Variants in ITK observed in about 807,000 individuals in gnomAD.
ITK encodes the protein tyrosine-protein kinase ITK/TSK.
A neutral mutation model predicts 87.6 loss-of-function variants in ITK; 45 were observed. The ratio of observed to expected loss-of-function variants is 0.51; its 90% CI spans 0.40 to 0.66. The LOEUF is 0.66. Among genes scored for constraint, ITK ranks in the 30% least tolerant of loss-of-function variants. The pLI is 0.00. For synonymous variants in ITK, 303 were observed against 273.6 expected (o/e 1.11, Z -1.06); for missense variants, 605 against 766.3 (o/e 0.79, Z 2.48).
intron 5 of ITK, among the ~76,000 whole-genome samples, chr5:157,219,739 G>T (rs1458154707): frequency 6.6e-6 from 1 of 152,102 alleles, no homozygotes; most frequent in African/African-American, 2.4e-5. Context: ...TGAAGGCCTG[G>T]TTCGGAACCC....
intron 3 of ITK, 190 bp downstream of exon 3, chr5:157,211,558 A>G (rs1754193070): frequency 1.1e-5 from 7 of 616,280 alleles, no homozygotes; most frequent in Non-Finnish European, 2.1e-5. Flanking sequence ...GATTGACCAA[A>G]TCCAGCCTGC....
chr5:157,222,741 T>C (rs746869584), intron 5 of ITK, 122 bp from the exon 6 acceptor site: 3 of 905,210 alleles, frequency 3.3e-6, no homozygotes, highest in Non-Finnish European at 5.4e-6. Flanking sequence ...GCGCTGTAAC[T>C]CTAACTCATA....
Position 157,248,936 on chromosome 5 carries a change from G to T in ITK, c.1720G>T (p.Gly574Ter), listed in dbSNP as rs777096641. The change falls in exon 16 of 17, where the codon GGA becomes TGA. Residue 574 changes from glycine to a stop codon, truncating the protein, a stop_gained. Transcript: ENST00000422843. LOFTEE classifies it high-confidence loss of function. Reference sequence around the variant, plus strand: ...AGAGGTGGTGGAAGACATCAGTACCGGATTTCGGTTGTACAAGCCCCGGCT... The same window carrying T: ...AGAGGTGGTGGAAGACATCAGTACCTGATTTCGGTTGTACAAGCCCCGGCT... The part of the protein sequence containing the change: ...NSEVVEDIST[G>*]FRLYKPRLAS... The T allele has an allele frequency of 6.2e-7, 1 of 1,613,762 alleles. No individual in the cohort carries two copies. The highest frequency in any genetic ancestry group is 1.3e-5 in the African/African-American group (1 of 74,914).
Position 157,180,862 on chromosome 5 carries a change from T to G in ITK, c.-116T>G, listed in dbSNP as rs924720745. ...GATAACGTTGAAGGCAAGTTGCCCT[T>G]GAGCAGCTCTCTGAAGATCAACTGC... On this transcript the variant is annotated 5_prime_UTR_variant, in exon 1 of 17. Coordinates refer to ENST00000422843, the MANE Select transcript of ITK (RefSeq NM_005546.4). 4 of 990,128 alleles carry G rather than the reference T, an allele frequency of 4.0e-6. No individual in the cohort carries two copies. The highest frequency in any genetic ancestry group is 6.3e-6 in the Non-Finnish European group (4 of 632,180). The allele number at this position is 990,128 out of a possible 1,614,324, so 61.3% of individuals were successfully genotyped here. A position where few individuals can be genotyped will look rare whatever the true frequency, so the allele number is the denominator to read the frequency against.
intron 1 of ITK, among the ~76,000 whole-genome samples, chr5:157,187,083 C>G (rs1753660591): frequency 6.6e-6 from 1 of 152,252 alleles, no homozygotes; most frequent in Admixed American, 6.5e-5. Flanking sequence ...AACGTTAAAG[C>G]CTCCGTTTTA....
Position 157,208,580 on chromosome 5 carries a change from C to T in ITK, c.139-309C>T, listed in dbSNP as rs73814042. The stretch of plus-strand genomic sequence containing the variant: ...ATATGTGTGTCCATGGATTTCTCTA[C>T]GCATCTCAGCTACAAGTTCTGCCAA... On this transcript the variant is annotated intron_variant, in intron 1 of 16. Transcript: ENST00000422843. Among the ~76,000 whole-genome samples the T allele has an allele frequency of 4.5e-3, 691 of 152,258 alleles. 5 individuals are homozygous for T. The highest frequency in any genetic ancestry group is 0.016 in the African/African-American group (651 of 41,544).
At chr5:157,217,985 C>A in intron 5 of ITK, 78 bp downstream of exon 5, 1 of 1,254,250 alleles carries the variant, frequency 8.0e-7, no homozygotes, top group South Asian at 1.2e-5. Flanking sequence ...GCATGTCCCC[C>A]TCTCCCCATA....
intron 3 of ITK, among the ~76,000 whole-genome samples, chr5:157,212,051 A>G (rs1156814981): frequency 2.0e-5 from 3 of 152,174 alleles, no homozygotes; most frequent in Admixed American, 6.5e-5. Flanking sequence ...AGCACATGGG[A>G]TGTGGAGCCA....
chr5:157,184,848 CT>C (rs1391634692), intron 1 of ITK, among the ~76,000 whole-genome samples: 1 of 152,170 alleles, frequency 6.6e-6, no homozygotes, highest in Non-Finnish European at 1.5e-5. Flanking sequence ...AAAGGTTCTC[CT>C]ATTTTGATGA....
chr5:157,197,990 G>T (rs1310985969), intron 1 of ITK, among the ~76,000 whole-genome samples: 1 of 151,922 alleles, frequency 6.6e-6, no homozygotes, highest in Non-Finnish European at 1.5e-5. Flanking sequence ...ACACATTCAT[G>T]GCAAAATATT....
chr5:157,205,472 T>A (rs114207820), intron 1 of ITK, among the ~76,000 whole-genome samples: 1,944 of 152,310 alleles, frequency 0.013, 31 homozygotes, highest in African/African-American at 0.043. Flanking sequence ...TTTTAAAAAC[T>A]TTTTTAAAAG....
chr5:157,190,630 C>A (rs966731497), intron 1 of ITK, among the ~76,000 whole-genome samples: 4 of 152,172 alleles, frequency 2.6e-5, no homozygotes, highest in African/African-American at 9.7e-5. Flanking sequence ...GGTTCTATGG[C>A]AAGACCAGGC....
chr5:157,249,355 C>G (rs1460121439), intron 16 of ITK, among the ~76,000 whole-genome samples: 1 of 152,202 alleles, frequency 6.6e-6, no homozygotes, highest in Non-Finnish European at 1.5e-5. Context: ...GAAGTTAGTT[C>G]TATAACTTGG....
chr5:157,193,556 ATGTTATCCTAT>A (rs1422910884), intron 1 of ITK, among the ~76,000 whole-genome samples: 1 of 152,214 alleles, frequency 6.6e-6, no homozygotes. Flanking sequence ...CACATTCATT[ATGTTATCCTAT>A]TGTTATCCCC....
Position 157,245,730 on chromosome 5 carries a change from C to T in ITK, c.1454C>T (p.Ala485Val). The T allele has an allele frequency of 1.2e-6, 2 of 1,614,054 alleles. No individual in the cohort carries two copies. The highest frequency in any genetic ancestry group is 8.5e-7 in the Non-Finnish European group (1 of 1,179,938). Residue 485 changes from alanine to valine, a missense_variant, in exon 14 of 17, where the codon GCC (alanine) becomes GTC (valine). Coordinates refer to ENST00000422843, the MANE Select transcript of ITK (RefSeq NM_005546.4). ...GTTTGCCTGTCTCCTCTCCAGGCTG[C>T]CAGAAATTGTTTGGTGGGAGAAAAC... ...EACVIHRDLA[A>V]RNCLVGENQV...
In ITK at chr5:157,253,097, A is replaced by G. The variant is rs752839170; in HGVS notation, c.*419A>G. ...TTCCAGGGACTTTTTATTTGACCCA[A>G]CAACACAGTATCCCAGGATATGGAG... On this transcript the variant is annotated 3_prime_UTR_variant, in exon 17 of 17. Transcript: ENST00000422843. The G allele has an allele frequency of 2.3e-5, 8 of 342,706 alleles. No individual in the cohort carries two copies. The South Asian group carries it at 3.4e-4, about 15-fold the overall frequency. 21.2% of individuals were successfully genotyped at this position (342,706 alleles called of 1,614,324 possible).
chr5:157,192,154 T>C lies in ITK; in HGVS notation c.138+11039T>C, dbSNP rs149362521. Among the ~76,000 whole-genome samples, 457 of 152,318 alleles carry C rather than the reference T, an allele frequency of 3.0e-3. 2 individuals are homozygous for C. The highest frequency in any genetic ancestry group is 0.01 in the African/African-American group (430 of 41,578). On this transcript the variant is annotated intron_variant, in intron 1 of 16. Coordinates refer to ENST00000422843, the MANE Select transcript of ITK (RefSeq NM_005546.4). ...GGGAAAATACGTGATCTTTTATACATAGGTGAGATGGTTTGGTTTAAAGTC... is the reference window on the plus strand; with the variant it reads ...GGGAAAATACGTGATCTTTTATACACAGGTGAGATGGTTTGGTTTAAAGTC...
intron 5 of ITK, 45 bp from the exon 6 acceptor site, chr5:157,222,818 T>C: frequency 6.2e-7 from 1 of 1,610,672 alleles, no homozygotes; most frequent in Non-Finnish European, 8.5e-7. Flanking sequence ...GCATTTTACC[T>C]CCTTTTTTAT....
chr5:157,233,675 A>G (rs1169465002), intron 8 of ITK, among the ~76,000 whole-genome samples: 1 of 152,140 alleles, frequency 6.6e-6, no homozygotes, highest in Non-Finnish European at 1.5e-5. Flanking sequence ...ATTGGATAAC[A>G]AAGTAGAACT....
Sources: gnomAD v4.1 joint callset for allele counts (sites outside exome capture counted in the v4.1 genomes callset) on GRCh38, gnomAD v4.1.1 for gene constraint, MANE v1.5 for transcripts, NCBI Gene and HGNC (gene_info 2026-07-23, HGNC 2026-07-21) for gene names.